PCCA: variants seen among roughly 807,000 people sequenced by gnomAD.
PCCA encodes the protein propionyl-CoA carboxylase subunit alpha, also known as propionyl-CoA carboxylase alpha chain, mitochondrial.
PCCA carries 74 observed loss-of-function variants against 101.3 expected under a neutral mutation model. The ratio of observed to expected loss-of-function variants is 0.73; its 90% CI spans 0.61 to 0.89. PCCA has a LOEUF of 0.89. Ranked by LOEUF, PCCA falls within the 40% of genes least tolerant of loss-of-function variation. The pLI is 0.00. For missense variants in PCCA, 891 were observed against 907.0 expected (o/e 0.98, Z 0.23); for synonymous variants, 294 against 313.6 (o/e 0.94, Z 0.66).
intron 20 of PCCA, among the ~76,000 whole-genome samples, chr13:100,432,972 CT>C (rs2079661616): frequency 6.6e-6 from 1 of 152,198 alleles, no homozygotes; most frequent in Non-Finnish European, 1.5e-5. Context: ...GACAGGATGT[CT>C]TTCCTTTTTA....
intron 19 of PCCA, among the ~76,000 whole-genome samples, chr13:100,387,045 G>A (rs756236095): frequency 6.6e-6 from 1 of 152,076 alleles, no homozygotes; most frequent in Non-Finnish European, 1.5e-5. Context: ...GGCCATCCGG[G>A]GAAGCAATCA....
chr13:100,151,068 G>T, intron 4 of PCCA: 1 of 1,549,704 alleles, frequency 6.5e-7, no homozygotes, highest in South Asian at 1.1e-5. Context: ...TTTCTCCGTA[G>T]CTCCTGGATG....
intron 5 of PCCA, 97 bp downstream of exon 5, chr13:100,155,189 GA>G: frequency 1.2e-6 from 1 of 845,396 alleles, no homozygotes. Context: ...AAGAATGATT[GA>G]AAATGCTGTT....
At chr13:100,348,157 G>C (rs149885588) in intron 18 of PCCA, among the ~76,000 whole-genome samples, 1 of 152,152 alleles carries the variant, frequency 6.6e-6, no homozygotes, top group Non-Finnish European at 1.5e-5. Context: ...GGGTGTGTCC[G>C]TGAAATGTTT....
At chr13:100,283,790 A>T (rs2064335272) in intron 12 of PCCA, among the ~76,000 whole-genome samples, 1 of 152,380 alleles carries the variant, frequency 6.6e-6, no homozygotes, top group Non-Finnish European at 1.5e-5. Flanking sequence ...GGAGCAGGCC[A>T]ATCACCTGGT....
chr13:100,443,017 A>G (rs2080493099), intron 20 of PCCA, among the ~76,000 whole-genome samples: 1 of 152,128 alleles, frequency 6.6e-6, no homozygotes. Flanking sequence ...CTTTCTATTC[A>G]TGTTGTGGAG....
intron 19 of PCCA, among the ~76,000 whole-genome samples, chr13:100,393,032 A>G (rs972383504): frequency 1.3e-5 from 2 of 149,880 alleles, no homozygotes; most frequent in Admixed American, 6.6e-5. Flanking sequence ...GTCTTCTGCC[A>G]TGGGAAGAAA....
chr13:100,198,650 C>T (rs1037721812), intron 6 of PCCA, among the ~76,000 whole-genome samples: 8 of 151,570 alleles, frequency 5.3e-5, no homozygotes, highest in Non-Finnish European at 1.2e-4. Flanking sequence ...AGGTGCACAC[C>T]ACCATGCCTG....
At chr13:100,159,823 GC>G (rs1299934372) in intron 6 of PCCA, among the ~76,000 whole-genome samples, 1 of 152,094 alleles carries the variant, frequency 6.6e-6, no homozygotes, top group African/African-American at 2.4e-5. Context: ...GGTGTGCCTG[GC>G]CTCCCACCCA....
intron 4 of PCCA, among the ~76,000 whole-genome samples, chr13:100,135,654 T>G (rs1467239708): frequency 6.6e-6 from 1 of 152,192 alleles, no homozygotes; most frequent in African/African-American, 2.4e-5. Context: ...GTCTTTTATT[T>G]TATTTTTTTC....
intron 19 of PCCA, among the ~76,000 whole-genome samples, chr13:100,417,538 G>A (rs965607577): frequency 6.6e-6 from 1 of 152,166 alleles, no homozygotes; most frequent in Non-Finnish European, 1.5e-5. Flanking sequence ...ATGTATGTGG[G>A]GAGGCCAGAG....
chr13:100,199,888 G>A (rs892446968), intron 6 of PCCA, among the ~76,000 whole-genome samples: 92 of 151,968 alleles, frequency 6.1e-4, no homozygotes, highest in African/African-American at 2.1e-3. Flanking sequence ...ATCATCCCTC[G>A]AAGTTAGCCA....
At chr13:100,107,681 G>A (rs760592778) in intron 2 of PCCA, among the ~76,000 whole-genome samples, 6 of 152,232 alleles carry the variant, frequency 3.9e-5, no homozygotes, top group Non-Finnish European at 8.8e-5. Flanking sequence ...GTGATTTAAG[G>A]CAAGTGATTT....
chr13:100,448,118 C>G (rs1484822470), intron 20 of PCCA, among the ~76,000 whole-genome samples: 1 of 152,216 alleles, frequency 6.6e-6, no homozygotes, highest in African/African-American at 2.4e-5. Flanking sequence ...AGTCACTGAG[C>G]CCTCTCTGAT....
intron 7 of PCCA, among the ~76,000 whole-genome samples, chr13:100,224,015 G>T (rs2059981851): frequency 6.6e-6 from 1 of 152,374 alleles, no homozygotes; most frequent in African/African-American, 2.4e-5. Flanking sequence ...GGGGCTGCAG[G>T]TGGAGCTGCC....
chr13:100,254,958 C>T (rs1325732975), intron 8 of PCCA, among the ~76,000 whole-genome samples: 1 of 151,438 alleles, frequency 6.6e-6, no homozygotes, highest in Non-Finnish European at 1.5e-5. Context: ...TGTTGGGGTG[C>T]ACCTGTTGTC....
chr13:100,319,825 T>C (rs1320072736), intron 16 of PCCA, among the ~76,000 whole-genome samples: 2 of 152,208 alleles, frequency 1.3e-5, no homozygotes, highest in Non-Finnish European at 2.9e-5. Context: ...GTGGGCTCTT[T>C]TTTGGTTCCA....
intron 17 of PCCA, among the ~76,000 whole-genome samples, chr13:100,336,104 A>G (rs569072496): frequency 2.6e-4 from 39 of 152,200 alleles, no homozygotes; most frequent in Middle Eastern, 3.4e-3. Flanking sequence ...CTCTACTAAA[A>G]ATACAAAATT....
intron 21 of PCCA, among the ~76,000 whole-genome samples, chr13:100,463,006 A>G (rs2082272637): frequency 6.6e-6 from 1 of 152,218 alleles, no homozygotes; most frequent in African/African-American, 2.4e-5. Context: ...AGGAGAAGGC[A>G]TTTCAGATAG....
Sources: gnomAD v4.1 joint callset for allele counts (sites outside exome capture counted in the v4.1 genomes callset) on GRCh38, gnomAD v4.1.1 for gene constraint, MANE v1.5 for transcripts, NCBI Gene and HGNC (gene_info 2026-07-23, HGNC 2026-07-21) for gene names.